The following DMD variants were observed in gnomAD, a reference collection of about 807,000 sequenced individuals.
DMD encodes the protein mutant dystrophin.
Under a neutral mutation model 330.1 loss-of-function variants are expected in DMD, and 63 were observed. The observed-to-expected ratio is 0.19, with a 90% CI of 0.16 to 0.24. The LOEUF is 0.24. Among genes scored for constraint, DMD ranks in the 10% least tolerant of loss-of-function variants. DMD has a pLI of 1.00. For missense variants in DMD, 3,344 were observed against 2,684.1 expected, an observed-to-expected ratio of 1.25 and a Z score of -5.43; for synonymous variants, 1,223 against 959.8, an observed-to-expected ratio of 1.27 and a Z score of -5.07.
intron 1 of DMD, among the ~76,000 whole-genome samples, chrX:33,242,051 C>T (rs1003462199): frequency 4.5e-5 from 5 of 112,026 alleles, no homozygotes; most frequent in African/African-American, 1.3e-4. Context: ...CGTGAGCCAC[C>T]GTGCCCGGCC....
At chrX:32,198,550 A>G (rs1305450455) in intron 44 of DMD, among the ~76,000 whole-genome samples, 4 of 112,047 alleles carry the variant, frequency 3.6e-5, no homozygotes, top group Non-Finnish European at 7.5e-5. Context: ...TAGGGTATCA[A>G]CGAGTTTAGT....
intron 43 of DMD, among the ~76,000 whole-genome samples, chrX:32,272,556 T>C (rs1178688525): frequency 8.9e-6 from 1 of 112,095 alleles, no homozygotes; most frequent in African/African-American, 3.2e-5. Context: ...AGAAATCCTA[T>C]GTGAAATGCC....
At chrX:32,633,847 C>T (rs1325069114) in intron 11 of DMD, among the ~76,000 whole-genome samples, 6 of 111,217 alleles carry the variant, frequency 5.4e-5, no homozygotes, top group African/African-American at 1.6e-4. Context: ...ACAACCAGAT[C>T]TTGCAAGAAT....
intron 63 of DMD, among the ~76,000 whole-genome samples, chrX:31,223,500 T>A (rs2046301890): frequency 8.9e-6 from 1 of 112,756 alleles, no homozygotes; most frequent in Non-Finnish European, 1.9e-5. Context: ...AATACATTAT[T>A]TAAATAGCTA....
chrX:31,229,602 A>G (rs2047001399), intron 63 of DMD, among the ~76,000 whole-genome samples: 1 of 111,898 alleles, frequency 8.9e-6, no homozygotes, highest in African/African-American at 3.3e-5. Flanking sequence ...CAAATCTCCC[A>G]GGTGGTAAGT....
chrX:32,921,632 G>A (rs141006642), intron 2 of DMD, among the ~76,000 whole-genome samples: 2,482 of 111,472 alleles, frequency 0.022, 71 homozygotes, highest in African/African-American at 0.075. Context: ...AAGAGAGAAG[G>A]AGGATAACTA....
At chrX:31,817,468 TG>T (rs2092660876) in intron 50 of DMD, among the ~76,000 whole-genome samples, 1 of 111,560 alleles carries the variant, frequency 9.0e-6, no homozygotes, top group African/African-American at 3.3e-5. Context: ...GACTACCTTT[TG>T]TTTTTTTTTT....
chrX:33,062,711 C>T (rs767408274), intron 1 of DMD, among the ~76,000 whole-genome samples: 5 of 111,346 alleles, frequency 4.5e-5, no homozygotes, highest in South Asian at 3.7e-4. Flanking sequence ...TCCTGGCCTC[C>T]GGTGATCCAC....
intron 44 of DMD, among the ~76,000 whole-genome samples, chrX:32,114,658 G>A (rs2096602835): frequency 9.0e-6 from 1 of 111,594 alleles, no homozygotes. Context: ...ACGCTCTGTT[G>A]GAGAAGAGAC....
At chrX:32,422,870 A>G (rs1163571200) in intron 29 of DMD, among the ~76,000 whole-genome samples, 2 of 111,468 alleles carry the variant, frequency 1.8e-5, no homozygotes, top group African/African-American at 6.5e-5. Context: ...AGTAGCTTGC[A>G]AAGAAAACGG....
At chrX:31,214,597 T>C (rs1290601862) in intron 64 of DMD, among the ~76,000 whole-genome samples, 2 of 112,083 alleles carry the variant, frequency 1.8e-5, no homozygotes, top group Non-Finnish European at 3.8e-5. Flanking sequence ...CAGTAAAGTG[T>C]CAGTTGTTTA....
intron 3 of DMD, among the ~76,000 whole-genome samples, chrX:32,849,457 CTTCA>C (rs999122822): frequency 4.3e-4 from 48 of 111,635 alleles, no homozygotes; most frequent in African/African-American, 1.5e-3. Flanking sequence ...GTATAAAAGC[CTTCA>C]TTAAGATATT....
At chrX:32,074,019 C>T (rs1425395858) in intron 44 of DMD, among the ~76,000 whole-genome samples, 1 of 111,347 alleles carries the variant, frequency 9.0e-6, no homozygotes, top group Non-Finnish European at 1.9e-5. Flanking sequence ...TAGGTAAATA[C>T]TTTTCCCTCA....
chrX:32,074,036 G>A (rs1167160668), intron 44 of DMD, among the ~76,000 whole-genome samples: 1 of 110,517 alleles, frequency 9.0e-6, no homozygotes, highest in Non-Finnish European at 1.9e-5. Context: ...CTCAAATAAG[G>A]GAATACATTA....
At chrX:32,869,855 G>T (rs1049636462) in intron 2 of DMD, among the ~76,000 whole-genome samples, 2 of 107,745 alleles carry the variant, frequency 1.9e-5, no homozygotes, top group Non-Finnish European at 3.8e-5. Flanking sequence ...TACTAGATGG[G>T]CAAAAACTGG....
At chrX:32,050,533 A>G (rs767932616) in intron 44 of DMD, among the ~76,000 whole-genome samples, 14 of 111,980 alleles carry the variant, frequency 1.3e-4, no homozygotes, top group African/African-American at 1.9e-4. Context: ...TTCTACATTA[A>G]AATGTACAAT....
intron 49 of DMD, among the ~76,000 whole-genome samples, chrX:31,831,805 T>C (rs1287958074): frequency 8.9e-6 from 1 of 112,071 alleles, no homozygotes; most frequent in South Asian, 3.7e-4. Context: ...GGTTTCACCA[T>C]GTTAGCCAGG....
chrX:32,906,198 C>G (rs1601840189), intron 2 of DMD, among the ~76,000 whole-genome samples: 1 of 111,425 alleles, frequency 9.0e-6, no homozygotes, highest in East Asian at 2.8e-4. Flanking sequence ...CCCCTTGATG[C>G]TGTTCTCGCG....
intron 1 of DMD, among the ~76,000 whole-genome samples, chrX:33,069,363 C>G (rs2094711067): frequency 9.0e-6 from 1 of 111,505 alleles, no homozygotes. Context: ...CAAGGATGTT[C>G]ACGTTGATTT....
Sources: gnomAD v4.1 joint callset for allele counts (sites outside exome capture counted in the v4.1 genomes callset) on GRCh38, gnomAD v4.1.1 for gene constraint, MANE v1.5 for transcripts, NCBI Gene and HGNC (gene_info 2026-07-23, HGNC 2026-07-21) for gene names.